Variants in EIF5A2 observed in about 807,000 individuals in gnomAD.
The protein encoded by EIF5A2 is eukaryotic translation initiation factor 5A2, also known as eukaryotic translation initiation factor 5A-2.
EIF5A2 carries 15 observed loss-of-function variants against 16.4 expected under a neutral mutation model. That is an observed-to-expected ratio of 0.92 (90% confidence interval 0.61 to 1.41). EIF5A2 has a LOEUF of 1.41. Among genes scored for constraint, EIF5A2 ranks in the 40% most tolerant of loss-of-function variants. EIF5A2 has a pLI of 0.00. For synonymous variants in EIF5A2, 48 were observed against 61.1 expected, an observed-to-expected ratio of 0.79 and a Z score of 1.00; for missense variants, 144 against 189.5, an observed-to-expected ratio of 0.76 and a Z score of 1.41.
At chr3:170,906,069 G>C (rs963809381) in intron 3 of EIF5A2, among the ~76,000 whole-genome samples, 2 of 152,172 alleles carry the variant, frequency 1.3e-5, no homozygotes, top group African/African-American at 4.8e-5. Flanking sequence ...AAGTGCAGTT[G>C]ATAGCAACAT....
rs1380905359 is a variant in EIF5A2 at position 170,888,971 on chromosome 3, T to G, written c.*4389A>C. On this transcript the variant is annotated 3_prime_UTR_variant, in exon 5 of 5. Coordinates refer to ENST00000295822, the MANE Select transcript of EIF5A2 (RefSeq NM_020390.6). ...GTCCAGAGTTTTTTAAAAAGTGCAA[T>G]CTTGAACTAAGATAAACTTAAGTCT... 1 of 150,802 alleles carries G rather than the reference T, an allele frequency of 6.6e-6. No homozygotes were observed. Among genetic ancestry groups the G allele is most frequent in the African/African-American group, 2.4e-5 (1 of 41,018 alleles). The allele number at this position is 150,802 out of a possible 1,614,324, so 9.3% of individuals were successfully genotyped here. A position where few individuals can be genotyped will look rare whatever the true frequency, so the allele number is the denominator to read the frequency against.
chr3:170,898,485 A>G (rs748981422), intron 3 of EIF5A2, among the ~76,000 whole-genome samples: 1 of 152,098 alleles, frequency 6.6e-6, no homozygotes, highest in Admixed American at 6.6e-5. Flanking sequence ...GATGGCTTAA[A>G]AGTGTTTGAC....
rs1220087366 is a variant in EIF5A2, at chr3:170,893,362, A to G, written c.460T>C (p.Ter154GlnextTer12). ...GTGTTCATGCCTGATGTTTCCGTTTATTTGCAGGGTTTTATGGCTACAGCA... is the reference window on the plus strand; with the variant it reads ...GTGTTCATGCCTGATGTTTCCGTTTGTTTGCAGGGTTTTATGGCTACAGCA... Reference protein sequence around the residue: ...EYAVAIKPCK* With the variant: ...EYAVAIKPCKQ Residue 154 changes from the stop codon to glutamine (Q), a stop_lost, in exon 5 of 5, where the codon TAA (stop) becomes CAA (glutamine). Transcript: ENST00000295822. The G allele has an allele frequency of 1.2e-6, 2 of 1,613,940 alleles. No homozygotes were observed. The highest frequency in any genetic ancestry group is 3.3e-5 in the Admixed American group (2 of 60,014).
intron 3 of EIF5A2, 97 bp from the exon 4 acceptor site, chr3:170,894,520 A>C: frequency 1.0e-6 from 1 of 966,432 alleles, no homozygotes; most frequent in Non-Finnish European, 1.5e-6. Flanking sequence ...AATTCATATA[A>C]GTATACAGTA....
At chr3:170,894,474 G>A in intron 3 of EIF5A2, 51 bp from the exon 4 acceptor site, 2 of 1,549,736 alleles carry the variant, frequency 1.3e-6, no homozygotes, top group Non-Finnish European at 1.8e-6. Flanking sequence ...ATCCACTTCT[G>A]TGTAATGCTT....
chr3:170,902,398 CTTTT>C (rs36044967), intron 3 of EIF5A2, among the ~76,000 whole-genome samples: 1 of 91,376 alleles, frequency 1.1e-5, no homozygotes, highest in Non-Finnish European at 2.0e-5. Flanking sequence ...GCCATTCAGC[CTTTT>C]TTTTTTTTTT....
rs1349814890 is a variant in EIF5A2, at chr3:170,891,387, ATGT to A, written c.*1970_*1972del. 6.6e-6 allele frequency: 1 copy of A among 152,630 alleles called. No individual in the cohort carries two copies. Among genetic ancestry groups the A allele is most frequent in the African/African-American group, 2.4e-5 (1 of 41,452 alleles). 9.5% of individuals were successfully genotyped at this position (152,630 alleles called of 1,614,324 possible). A position where few individuals can be genotyped will look rare whatever the true frequency, so the allele number is the denominator to read the frequency against. ...GTGCTTTAGATGGGCAAAAGCTAAA[ATGT>A]TGTAGGAAAGACGACTAACTACTAC... On this transcript the variant is annotated 3_prime_UTR_variant, in exon 5 of 5. Coordinates refer to ENST00000295822, the MANE Select transcript of EIF5A2 (RefSeq NM_020390.6).
intron 3 of EIF5A2, among the ~76,000 whole-genome samples, chr3:170,900,519 G>A (rs1158637342): frequency 6.6e-6 from 1 of 152,070 alleles, no homozygotes; most frequent in Non-Finnish European, 1.5e-5. Context: ...CTATCAAGGA[G>A]AATTAAAATT....
intron 3 of EIF5A2, among the ~76,000 whole-genome samples, chr3:170,904,204 T>A (rs1712878506): frequency 6.6e-6 from 1 of 152,242 alleles, no homozygotes; most frequent in Non-Finnish European, 1.5e-5. Flanking sequence ...TCCAAGCTAA[T>A]CTTGAAAGAG....
At chr3:170,905,503 T>C (rs1464728501) in intron 3 of EIF5A2, among the ~76,000 whole-genome samples, 1 of 152,236 alleles carries the variant, frequency 6.6e-6, no homozygotes, top group African/African-American at 2.4e-5. Context: ...AGTCAAAGCT[T>C]TCATACTTTA....
rs2108290275 is a variant in EIF5A2 at position 170,889,788 on chromosome 3, T to A, written c.*3572A>T. 1 of 152,604 alleles carries A rather than the reference T, an allele frequency of 6.6e-6. No homozygotes were observed. The allele number at this position is 152,604 out of a possible 1,614,324, so 9.5% of individuals were successfully genotyped here. The stretch of plus-strand genomic sequence containing the variant: ...ACATCAATGCCTGGCTCCAAAACTA[T>A]CTCTGGGGTCCATGCCAAAGGAATG... On this transcript the variant is annotated 3_prime_UTR_variant, in exon 5 of 5. Transcript: ENST00000295822.
intron 4 of EIF5A2, 82 bp downstream of exon 4, chr3:170,894,210 T>C: frequency 7.0e-7 from 1 of 1,422,062 alleles, no homozygotes; most frequent in Admixed American, 1.9e-5. Flanking sequence ...CCACATTCCA[T>C]ATGTAGTATT....
intron 3 of EIF5A2, among the ~76,000 whole-genome samples, chr3:170,896,383 G>C (rs1576786843): frequency 6.6e-6 from 1 of 152,274 alleles, no homozygotes; most frequent in Admixed American, 6.5e-5. Flanking sequence ...GATATGGTTT[G>C]GCTCTGTGTC....
intron 3 of EIF5A2, among the ~76,000 whole-genome samples, chr3:170,906,484 T>G (rs1712939413): frequency 6.6e-6 from 1 of 152,190 alleles, no homozygotes; most frequent in Non-Finnish European, 1.5e-5. Flanking sequence ...CCAGGTACTT[T>G]ATCCTTTATA....
Position 170,889,285 on chromosome 3 carries a change from A to G in EIF5A2, c.*4075T>C, listed in dbSNP as rs896931048. On this transcript the variant is annotated 3_prime_UTR_variant, in exon 5 of 5. Coordinates refer to ENST00000295822, the MANE Select transcript of EIF5A2 (RefSeq NM_020390.6). Reference sequence around the variant, plus strand: ...TGGTGTTCAGATGTTTGTTTAATGGAAAAACATTAAATTACATATTGGCTT... The same window carrying G: ...TGGTGTTCAGATGTTTGTTTAATGGGAAAACATTAAATTACATATTGGCTT... The G allele has an allele frequency of 1.2e-4, 18 of 152,402 alleles. No homozygotes were observed. The highest frequency in any genetic ancestry group is 4.3e-4 in the African/African-American group (18 of 41,432). 9.4% of individuals were successfully genotyped at this position (152,402 alleles called of 1,614,324 possible). A position where few individuals can be genotyped will look rare whatever the true frequency, so the allele number is the denominator to read the frequency against.
At chr3:170,906,906 G>T in intron 3 of EIF5A2, 83 bp downstream of exon 3, 1 of 839,482 alleles carries the variant, frequency 1.2e-6, no homozygotes, top group Non-Finnish European at 1.7e-6. Flanking sequence ...ACTACTCTTG[G>T]GTTTTGTCAA....
intron 3 of EIF5A2, among the ~76,000 whole-genome samples, chr3:170,901,917 T>G (rs991299574): frequency 5.3e-5 from 8 of 152,310 alleles, no homozygotes; most frequent in East Asian, 1.9e-4. Flanking sequence ...TGATCACTAT[T>G]ATTATACAGT....
chr3:170,899,460 G>T (rs1161516662), intron 3 of EIF5A2, among the ~76,000 whole-genome samples: 1 of 151,546 alleles, frequency 6.6e-6, no homozygotes, highest in African/African-American at 2.4e-5. Context: ...TTCCTGTGTT[G>T]CCCAGGCTGG....
chr3:170,906,821 CAT>C (rs1378451216), intron 3 of EIF5A2, among the ~76,000 whole-genome samples, 166 bp downstream of exon 3: 1 of 152,168 alleles, frequency 6.6e-6, no homozygotes, highest in African/African-American at 2.4e-5. Context: ...TAGAAAAGTA[CAT>C]GTGTTAAACA....
Sources: allele counts gnomAD v4.1 joint callset (sites outside exome capture counted in the v4.1 genomes callset), GRCh38; gene constraint gnomAD v4.1.1; transcripts MANE v1.5; gene names NCBI Gene and HGNC (gene_info 2026-07-23, HGNC 2026-07-21).